Variants in ARSG observed in about 807,000 individuals in gnomAD.
ARSG encodes the protein ASG.
A neutral mutation model predicts 50.5 loss-of-function variants in ARSG; 37 were observed. The ratio of observed to expected loss-of-function variants is 0.73; its 90% CI spans 0.56 to 0.96. ARSG has a LOEUF of 0.96. Ranked by LOEUF, ARSG falls within the 50% of genes least tolerant of loss-of-function variation. The pLI, the probability that ARSG is intolerant of heterozygous loss-of-function variation, is 0.00. For missense variants in ARSG, 629 were observed against 675.3 expected (o/e 0.93, Z 0.76); for synonymous variants, 225 against 254.6 (o/e 0.88, Z 1.11).
chr17:68,343,587 C>G lies in ARSG; in HGVS notation c.219-17C>G. On this transcript the variant is annotated splice_polypyrimidine_tract_variant and intron_variant, in intron 2 of 11. Coordinates refer to ENST00000621439, the MANE Select transcript of ARSG (RefSeq NM_001267727.2). ...CCTGTGGTTGGTGCGGTCCTGACCACTGTCCTTTCCCTGCAGGTTTGTGGA... is the reference window on the plus strand; with the variant it reads ...CCTGTGGTTGGTGCGGTCCTGACCAGTGTCCTTTCCCTGCAGGTTTGTGGA... The G allele has an allele frequency of 6.3e-7, 1 of 1,595,636 alleles. No homozygotes were observed. The highest frequency in any genetic ancestry group is 8.6e-7 in the Non-Finnish European group (1 of 1,168,742).
At chr17:68,270,531 G>T (rs192530326) in intron 1 of ARSG, among the ~76,000 whole-genome samples, 41 of 149,864 alleles carry the variant, frequency 2.7e-4, no homozygotes, top group African/African-American at 9.8e-4. Context: ...TCCAGCCTGG[G>T]TGATAGAGCG....
downstream of ARSG, chr17:68,426,253 G>GGGGGGGGGGGGGGGT: frequency 1.2e-6 from 1 of 841,018 alleles, no homozygotes; most frequent in Non-Finnish European, 1.9e-6. Flanking sequence ...GGGGAGCGGG[G>GGGGGGGGGGGGGGGT]GCTCAAATAA....
rs1470159041 is a variant in ARSG at position 68,399,165 on chromosome 17, C to T, written c.1213-2195C>T. 2.0e-5 allele frequency among the ~76,000 whole-genome samples: 3 copies of T among 152,248 alleles called. No homozygotes were observed. The highest frequency in any genetic ancestry group is 6.5e-5 in the Admixed American group (1 of 15,290). On this transcript the variant is annotated intron_variant, in intron 10 of 11. Transcript: ENST00000621439. This position sits in a 1 kb window ranked among gnomAD's most constrained non-coding sequence, Gnocchi z 4.6. ...TGACACGCCCCTGGAGGCCATACAT[C>T]GAGGAAACAAGCTGAGTTTTAATGT...
chr17:68,309,032 C>A (rs2076730858), intron 2 of ARSG, among the ~76,000 whole-genome samples: 1 of 152,248 alleles, frequency 6.6e-6, no homozygotes, highest in Non-Finnish European at 1.5e-5. Flanking sequence ...GCATGGCGGG[C>A]TGCAGGTCCC....
the ARSG span, among the ~76,000 whole-genome samples, chr17:68,443,753 G>C: frequency 6.6e-6 from 1 of 152,214 alleles, no homozygotes; most frequent in Non-Finnish European, 1.5e-5. Flanking sequence ...AATAGAAGCA[G>C]TTGTTCAATG....
chr17:68,402,768 AC>A (rs1234360140), intron 11 of ARSG, among the ~76,000 whole-genome samples: 9 of 151,394 alleles, frequency 5.9e-5, no homozygotes, highest in African/African-American at 2.2e-4. Context: ...CTCGTGATCC[AC>A]CCGCCTCGGC....
Position 68,420,189 on chromosome 17 carries a change from G to A in ARSG, c.1304G>A (p.Gly435Asp), listed in dbSNP as rs779668615. The A allele has an allele frequency of 1.5e-5, 25 of 1,613,732 alleles. No homozygotes were observed. The highest frequency in any genetic ancestry group is 1.9e-5 in the Non-Finnish European group (23 of 1,179,968). Reference protein sequence around the residue: ...LERYKAFYITGGARACDGSTG... With the variant: ...LERYKAFYITDGARACDGSTG... Reference sequence around the variant, plus strand: ...GCATTTGTTGTCATTCCCTCTCTAGGTGGAGCCAGGGCGTGTGATGGGAGC... The same window carrying A: ...GCATTTGTTGTCATTCCCTCTCTAGATGGAGCCAGGGCGTGTGATGGGAGC... The change falls in exon 12 of 12, where the codon GGT becomes GAT. Residue 435 changes from glycine to aspartate, a missense_variant and splice_region_variant. Physicochemically the swap from Gly to Asp is moderately conservative, Grantham distance 94. Transcript: ENST00000621439.
chr17:68,270,520 C>T (rs2075302952), intron 1 of ARSG, among the ~76,000 whole-genome samples: 1 of 150,612 alleles, frequency 6.6e-6, no homozygotes, highest in South Asian at 2.1e-4. Context: ...CGCCACTGCA[C>T]TCCAGCCTGG....
At chr17:68,277,912 C>A (rs1463082818) in intron 1 of ARSG, among the ~76,000 whole-genome samples, 1 of 152,094 alleles carries the variant, frequency 6.6e-6, no homozygotes, top group Non-Finnish European at 1.5e-5. Context: ...TTCTTCAGTG[C>A]CTTTTGTTTC....
chr17:68,298,356 A>T (rs2076283561), intron 1 of ARSG, among the ~76,000 whole-genome samples: 1 of 151,994 alleles, frequency 6.6e-6, no homozygotes, highest in Admixed American at 6.6e-5. Context: ...TAATCCCAGC[A>T]ATTTGGGAGG....
At position 68,315,939 on chromosome 17, in the gene ARSG, G is replaced by T. The variant is rs545220432; in HGVS notation, c.218+8228G>T. Among the ~76,000 whole-genome samples the T allele has an allele frequency of 1.1e-3, 163 of 152,240 alleles. 1 individual carries two copies. The highest frequency in any genetic ancestry group is 3.7e-3 in the African/African-American group (153 of 41,538). On this transcript the variant is annotated intron_variant, in intron 2 of 11. Coordinates refer to ENST00000621439, the MANE Select transcript of ARSG (RefSeq NM_001267727.2). ...GTGGGTGGCACCCAGGCAGAAATGG[G>T]ATTTAGATGTCAGTCATCAAAATGG...
In ARSG at chr17:68,330,939, T is replaced by G. The variant is rs1453415234; in HGVS notation, c.219-12665T>G. ...CCAGGGACGCTGCATTTTCTTTACCTTTTTCTTTTCTTTACTTTTCTTTAT... is the reference window on the plus strand; with the variant it reads ...CCAGGGACGCTGCATTTTCTTTACCGTTTTCTTTTCTTTACTTTTCTTTAT... On this transcript the variant is annotated intron_variant, in intron 2 of 11. Transcript: ENST00000621439. Among the ~76,000 whole-genome samples, 4 of 146,354 alleles carry G rather than the reference T, an allele frequency of 2.7e-5. No homozygotes were observed. In the East Asian group the frequency reaches 8.7e-4, roughly 32 times the overall value.
chr17:68,276,026 G>C (rs1367745376), intron 1 of ARSG, among the ~76,000 whole-genome samples: 22 of 151,682 alleles, frequency 1.5e-4, no homozygotes, highest in African/African-American at 5.1e-4. Flanking sequence ...ACTTAAAATA[G>C]AACCAGGAAT....
In ARSG at chr17:68,385,104, C is replaced by G. The variant is rs1367531133; in HGVS notation, c.1023C>G (p.His341Gln). The G allele has an allele frequency of 6.2e-7, 1 of 1,614,050 alleles. No individual in the cohort carries two copies. The highest frequency in any genetic ancestry group is 1.1e-5 in the South Asian group (1 of 91,084). The change falls in exon 9 of 12, where the codon CAC (histidine) becomes CAG (glutamine). Residue 341 changes from histidine to glutamine, a missense_variant. Coordinates refer to ENST00000621439, the MANE Select transcript of ARSG (RefSeq NM_001267727.2). The part of the protein sequence containing the change: ...PAKQTTWEGG[H>Q]RVPALAYWPG... ...AGCAGACGACCTGGGAAGGAGGGCA[C>G]CGGGTCCCAGCACTGGCTTACTGGC...
Position 68,271,186 on chromosome 17 carries a change from T to G in ARSG, c.-552+11760T>G. On this transcript the variant is annotated intron_variant, in intron 1 of 11. Coordinates refer to the ARSG transcript ENST00000448504. The surrounding 1 kb of genome is among the most constrained non-coding windows in gnomAD (Gnocchi z 5.3). ...TAATAAAAAAGCAGCGCGGTCCTGG[T>G]CAATGCCCAGACTAATGCCCAGAGG... The G allele has an allele frequency of 6.2e-7, 1 of 1,614,020 alleles. No individual in the cohort carries two copies. Among genetic ancestry groups the G allele is most frequent in the South Asian group, 1.1e-5 (1 of 91,086 alleles).
intron 6 of ARSG, among the ~76,000 whole-genome samples, chr17:68,358,688 C>CA (rs373761419): frequency 4.9e-4 from 70 of 143,758 alleles, no homozygotes; most frequent in Non-Finnish European, 6.1e-4. Context: ...GACTCTGTCT[C>CA]AAAAAAAAAA....
intron 1 of ARSG, among the ~76,000 whole-genome samples, chr17:68,305,081 G>T (rs1291952603): frequency 6.6e-6 from 1 of 152,198 alleles, no homozygotes; most frequent in Non-Finnish European, 1.5e-5. Context: ...GGCTGAGGCA[G>T]AAGGATCGTT....
chr17:68,436,327 A>C, the ARSG span: 1 of 1,541,436 alleles, frequency 6.5e-7, no homozygotes, highest in Non-Finnish European at 9.0e-7. Context: ...ATCTCCTTCC[A>C]TGACCACACA....
intron 6 of ARSG, among the ~76,000 whole-genome samples, chr17:68,359,101 T>C (rs188149036): frequency 0.014 from 2,189 of 152,034 alleles, 54 homozygotes; most frequent in African/African-American, 0.05. Context: ...AGGTGGAGCT[T>C]GCAGTGAGCC....
Sources: allele counts gnomAD v4.1 joint callset (sites outside exome capture counted in the v4.1 genomes callset), GRCh38; gene constraint gnomAD v4.1.1; non-coding constraint Gnocchi (gnomAD v3.1); transcripts MANE v1.5; gene names NCBI Gene and HGNC (gene_info 2026-07-23, HGNC 2026-07-21).